SHROOM3: variants seen among roughly 807,000 people sequenced by gnomAD.
The protein encoded by SHROOM3 is protein Shroom3.
Under a neutral mutation model 138.6 loss-of-function variants are expected in SHROOM3, and 47 were observed. That is an observed-to-expected ratio of 0.34 (90% CI 0.27 to 0.43). The LOEUF (loss-of-function observed/expected upper bound fraction) is 0.43, where lower values mean the gene tolerates loss of function less well. Among genes scored for constraint, SHROOM3 ranks in the 20% least tolerant of loss-of-function variants. The pLI is 1.00. For synonymous variants in SHROOM3, 1,062 were observed against 1,063.3 expected, an observed-to-expected ratio of 1.00 and a Z score of 0.02; for missense variants, 2,491 against 2,596.5, an observed-to-expected ratio of 0.96 and a Z score of 0.88.
At chr4:76,520,562 G>A (rs1429377290) in intron 1 of SHROOM3, among the ~76,000 whole-genome samples, 1 of 152,176 alleles carries the variant, frequency 6.6e-6, no homozygotes, top group African/African-American at 2.4e-5. Context: ...TGTGCTCAAA[G>A]TTATACAGCT....
intron 1 of SHROOM3, among the ~76,000 whole-genome samples, chr4:76,472,336 A>G (rs1008728608): frequency 1.3e-5 from 2 of 152,212 alleles, no homozygotes; most frequent in African/African-American, 2.4e-5. Context: ...TATTAATTCA[A>G]TGATATTTGT....
intron 7 of SHROOM3, among the ~76,000 whole-genome samples, chr4:76,756,178 CTA>C (rs1721804158): frequency 1.3e-5 from 2 of 152,136 alleles, no homozygotes; most frequent in African/African-American, 2.4e-5. Context: ...ATGTATATAT[CTA>C]TGTATGTTTG....
In SHROOM3 at chr4:76,595,427, A is replaced by G. The variant is rs190715839; in HGVS notation, c.323+39664A>G. On this transcript the variant is annotated intron_variant, in intron 2 of 10. Coordinates refer to ENST00000296043, the MANE Select transcript of SHROOM3 (RefSeq NM_020859.4). Reference sequence around the variant, plus strand: ...GTGTTTTCATTCTGCCACCCTTAGCATGATGATTTTCTTCCTTACATTTGT... The same window carrying G: ...GTGTTTTCATTCTGCCACCCTTAGCGTGATGATTTTCTTCCTTACATTTGT... Among the ~76,000 whole-genome samples the G allele has an allele frequency of 9.2e-5, 14 of 152,316 alleles. No individual in the cohort carries two copies. In the East Asian group the frequency reaches 2.1e-3, roughly 23 times the overall value.
At chr4:76,706,809 G>T (rs1185264880) in intron 2 of SHROOM3, among the ~76,000 whole-genome samples, 2 of 152,232 alleles carry the variant, frequency 1.3e-5, no homozygotes, top group African/African-American at 2.4e-5. Context: ...GCAACTAGCA[G>T]CCAGTGTGAA....
intron 2 of SHROOM3, among the ~76,000 whole-genome samples, chr4:76,570,653 T>C (rs1458289366): frequency 1.3e-5 from 2 of 152,192 alleles, no homozygotes; most frequent in African/African-American, 4.8e-5. Context: ...ATTTCTCCTC[T>C]TTGCAAACTT....
chr4:76,611,270 CT>C (rs60302927), intron 2 of SHROOM3, among the ~76,000 whole-genome samples: 1 of 151,838 alleles, frequency 6.6e-6, no homozygotes, highest in African/African-American at 2.4e-5. Context: ...CTCTCTCTCT[CT>C]TAAAGTCTGC....
chr4:76,453,403 A>G (rs2109971063), intron 1 of SHROOM3, among the ~76,000 whole-genome samples: 1 of 151,688 alleles, frequency 6.6e-6, no homozygotes, highest in Non-Finnish European at 1.5e-5. Flanking sequence ...CTCAGCCTCC[A>G]GAGTATCTGG....
intron 2 of SHROOM3, among the ~76,000 whole-genome samples, chr4:76,580,708 G>A (rs572700095): frequency 3.0e-4 from 46 of 152,278 alleles, no homozygotes; most frequent in Non-Finnish European, 7.4e-5. Flanking sequence ...TTACAGGCGT[G>A]AGCCACTGTA....
At chr4:76,492,272 C>G (rs935316662) in intron 1 of SHROOM3, among the ~76,000 whole-genome samples, 2 of 152,184 alleles carry the variant, frequency 1.3e-5, no homozygotes, top group Admixed American at 6.5e-5. Flanking sequence ...GCATGTTTAG[C>G]TCAGTGATGG....
At chr4:76,468,674 T>C (rs983101934) in intron 1 of SHROOM3, among the ~76,000 whole-genome samples, 36 of 151,918 alleles carry the variant, frequency 2.4e-4, no homozygotes, top group African/African-American at 8.5e-4. Context: ...CTATTTTCAG[T>C]TTAATGTGAT....
chr4:76,539,219 C>T (rs969282729), intron 1 of SHROOM3, among the ~76,000 whole-genome samples: 1 of 152,104 alleles, frequency 6.6e-6, no homozygotes, highest in Non-Finnish European at 1.5e-5. Context: ...TAGGCACAAC[C>T]AGAGATGTTA....
intron 1 of SHROOM3, among the ~76,000 whole-genome samples, chr4:76,447,565 A>G (rs953851587): frequency 6.6e-6 from 1 of 152,120 alleles, no homozygotes; most frequent in Admixed American, 6.5e-5. Flanking sequence ...AGAATAGGAG[A>G]GTGTGCAAAC....
At chr4:76,508,882 A>G (rs1395169883) in intron 1 of SHROOM3, among the ~76,000 whole-genome samples, 1 of 152,200 alleles carries the variant, frequency 6.6e-6, no homozygotes, top group Non-Finnish European at 1.5e-5. Flanking sequence ...CAGATTCAGT[A>G]TCTGGTGAGG....
At chr4:76,747,754 A>G (rs1721488124) in intron 5 of SHROOM3, among the ~76,000 whole-genome samples, 1 of 152,190 alleles carries the variant, frequency 6.6e-6, no homozygotes, top group South Asian at 2.1e-4. Flanking sequence ...CTCATTCCCT[A>G]CAGTGATATT....
At chr4:76,695,823 T>C (rs1346847234) in intron 2 of SHROOM3, among the ~76,000 whole-genome samples, 1 of 152,160 alleles carries the variant, frequency 6.6e-6, no homozygotes, top group Non-Finnish European at 1.5e-5. Context: ...GCAGCCAGAA[T>C]CTCAGGACCA....
intron 2 of SHROOM3, chr4:76,587,401 A>G (rs970218613): frequency 2.0e-5 from 3 of 152,168 alleles, no homozygotes; most frequent in African/African-American, 7.2e-5. Flanking sequence ...ATAAATCTAA[A>G]GAGGTTCTGA....
At chr4:76,447,396 T>C (rs1730836537) in intron 1 of SHROOM3, among the ~76,000 whole-genome samples, 1 of 152,220 alleles carries the variant, frequency 6.6e-6, no homozygotes. Context: ...GTGGGTACAA[T>C]GTAAGCTTTT....
intron 2 of SHROOM3, among the ~76,000 whole-genome samples, chr4:76,638,365 G>A (rs982130586): frequency 1.3e-5 from 2 of 151,904 alleles, no homozygotes; most frequent in African/African-American, 2.4e-5. Context: ...TTTTGAGTAA[G>A]CAGCATAGCA....
At chr4:76,532,296 A>C (rs1167706111) in intron 1 of SHROOM3, 1 of 152,154 alleles carries the variant, frequency 6.6e-6, no homozygotes, top group Non-Finnish European at 1.5e-5. Context: ...GTAACATTCC[A>C]ATTTTAGTAT....
Sources: gnomAD v4.1 joint callset for allele counts (sites outside exome capture counted in the v4.1 genomes callset) on GRCh38, gnomAD v4.1.1 for gene constraint, MANE v1.5 for transcripts, NCBI Gene and HGNC (gene_info 2026-07-23, HGNC 2026-07-21) for gene names.